The following NKAIN2 variants were observed in gnomAD, a reference collection of about 807,000 sequenced individuals.
NKAIN2 encodes sodium/potassium transporting ATPase interacting 2, also known as sodium/potassium-transporting ATPase subunit beta-1-interacting protein 2.
In NKAIN2, 14 loss-of-function variants were observed where a neutral mutation model predicts 32.6. The ratio of observed to expected loss-of-function variants is 0.43; its 90% CI spans 0.28 to 0.67. The LOEUF is 0.67. Among genes scored for constraint, NKAIN2 ranks in the 30% least tolerant of loss-of-function variants. NKAIN2 has a pLI of 0.17. For missense variants in NKAIN2, 198 were observed against 258.3 expected (o/e 0.77, Z 1.60); for synonymous variants, 80 against 87.2 (o/e 0.92, Z 0.46).
At chr6:124,029,287 G>A (rs1781298620) in intron 1 of NKAIN2, among the ~76,000 whole-genome samples, 2 of 151,268 alleles carry the variant, frequency 1.3e-5, no homozygotes, top group Admixed American at 6.6e-5. Context: ...TTACTTGCTT[G>A]TCATATGTTC....
At chr6:124,529,536 C>T (rs964386151) in intron 3 of NKAIN2, among the ~76,000 whole-genome samples, 2 of 152,098 alleles carry the variant, frequency 1.3e-5, no homozygotes, top group African/African-American at 2.4e-5. Context: ...CATGGTGGTT[C>T]GGTCTCCTCG....
intron 4 of NKAIN2, among the ~76,000 whole-genome samples, chr6:124,787,787 T>G (rs9491235): frequency 1.6e-3 from 239 of 152,216 alleles, no homozygotes; most frequent in African/African-American, 5.3e-3. Context: ...GGCCCACTGA[T>G]TATGGCCCTA....
intron 1 of NKAIN2, among the ~76,000 whole-genome samples, chr6:123,917,952 C>A (rs1055906292): frequency 6.6e-6 from 1 of 152,054 alleles, no homozygotes; most frequent in African/African-American, 2.4e-5. Flanking sequence ...GGGAGTTAAA[C>A]ATAGCCACCG....
intron 3 of NKAIN2, among the ~76,000 whole-genome samples, chr6:124,363,647 G>A (rs1177691991): frequency 6.6e-6 from 1 of 152,178 alleles, no homozygotes; most frequent in Non-Finnish European, 1.5e-5. Context: ...GAAAAGATCT[G>A]AAGAACAAGC....
At chr6:124,316,629 T>G (rs1350847552) in intron 2 of NKAIN2, among the ~76,000 whole-genome samples, 1 of 152,102 alleles carries the variant, frequency 6.6e-6, no homozygotes, top group Non-Finnish European at 1.5e-5. Flanking sequence ...GTAAAAGTCA[T>G]AAGATACAGT....
rs1792910504 is a variant in NKAIN2, at chr6:124,238,670, T to G, written c.55-44335T>G. On this transcript the variant is annotated intron_variant, in intron 1 of 6. Coordinates refer to ENST00000368417, the MANE Select transcript of NKAIN2 (RefSeq NM_001040214.3). Reference sequence around the variant, plus strand: ...TCATTGGGACTGGTTAGACAGTGGGTGCAGCCCAAGCTTCATAAGCAAAGG... The same window carrying G: ...TCATTGGGACTGGTTAGACAGTGGGGGCAGCCCAAGCTTCATAAGCAAAGG... Among the ~76,000 whole-genome samples, 5 of 151,998 alleles carry G rather than the reference T, an allele frequency of 3.3e-5. No individual in the cohort carries two copies. In the South Asian group the frequency reaches 1.0e-3, roughly 31 times the overall value.
intron 2 of NKAIN2, among the ~76,000 whole-genome samples, chr6:124,297,324 T>C (rs1457423060): frequency 6.6e-6 from 1 of 152,134 alleles, no homozygotes; most frequent in Admixed American, 6.5e-5. Context: ...ACTGTATTCT[T>C]ACAACAAATC....
chr6:124,366,376 T>C (rs889186730), intron 3 of NKAIN2, among the ~76,000 whole-genome samples: 3 of 152,082 alleles, frequency 2.0e-5, no homozygotes, highest in African/African-American at 7.2e-5. Flanking sequence ...AGACCACAAC[T>C]TGAAATAAAT....
Position 124,351,134 on chromosome 6 carries a change from G to A in NKAIN2, c.193-4133G>A, listed in dbSNP as rs143854892. Among the ~76,000 whole-genome samples the A allele has an allele frequency of 3.3e-5, 5 of 152,274 alleles. No homozygotes were observed. In the East Asian group the frequency reaches 9.6e-4, roughly 29 times the overall value. ...AAATGAAGGTTGGTTTCATGAAATA[G>A]CATTCGTCTATACATAATGGCGTTA... On this transcript the variant is annotated intron_variant, in intron 2 of 6. Transcript: ENST00000368417.
intron 4 of NKAIN2, among the ~76,000 whole-genome samples, chr6:124,660,910 A>G (rs551589059): frequency 1.3e-5 from 2 of 152,336 alleles, no homozygotes; most frequent in East Asian, 1.9e-4. Flanking sequence ...AAAATTTCCT[A>G]TCTTCATTCT....
intron 1 of NKAIN2, among the ~76,000 whole-genome samples, chr6:124,086,497 A>G (rs568729104): frequency 6.8e-4 from 103 of 152,008 alleles, no homozygotes; most frequent in African/African-American, 2.0e-3. Flanking sequence ...CCTCATGTGA[A>G]TATTGTAGGC....
intron 1 of NKAIN2, among the ~76,000 whole-genome samples, chr6:124,242,949 G>A (rs1475842079): frequency 6.6e-6 from 1 of 151,608 alleles, no homozygotes; most frequent in Non-Finnish European, 1.5e-5. Flanking sequence ...ATGACGGGAT[G>A]ATGGATGAAG....
At chr6:124,704,643 C>CAGAG (rs10572050) in intron 4 of NKAIN2, among the ~76,000 whole-genome samples, 12 of 149,416 alleles carry the variant, frequency 8.0e-5, no homozygotes, top group South Asian at 4.2e-4. Flanking sequence ...GAGAAAGAGA[C>CAGAG]AGAGAGAGAG....
intron 1 of NKAIN2, among the ~76,000 whole-genome samples, chr6:123,996,252 T>C (rs1485183073): frequency 2.0e-5 from 3 of 152,150 alleles, no homozygotes; most frequent in African/African-American, 7.2e-5. Context: ...AAATGTCAGG[T>C]CTATTAATGA....
chr6:124,246,028 A>G (rs1044999491), intron 1 of NKAIN2, among the ~76,000 whole-genome samples: 1 of 152,148 alleles, frequency 6.6e-6, no homozygotes, highest in African/African-American at 2.4e-5. Context: ...AGATGATGAA[A>G]TGTCATTTCT....
At chr6:124,443,175 C>T (rs958478257) in intron 3 of NKAIN2, among the ~76,000 whole-genome samples, 4 of 152,162 alleles carry the variant, frequency 2.6e-5, no homozygotes, top group South Asian at 2.1e-4. Context: ...GTGTGGGGCT[C>T]CTCAATTTTT....
At chr6:124,076,077 G>A (rs2114893488) in intron 1 of NKAIN2, among the ~76,000 whole-genome samples, 1 of 152,334 alleles carries the variant, frequency 6.6e-6, no homozygotes, top group Admixed American at 6.5e-5. Context: ...AGTTGCAGGT[G>A]ACTGGTCTCT....
At chr6:124,748,273 T>C (rs971207758) in intron 4 of NKAIN2, among the ~76,000 whole-genome samples, 3 of 151,934 alleles carry the variant, frequency 2.0e-5, no homozygotes, top group African/African-American at 7.2e-5. Flanking sequence ...AGACTGGGAG[T>C]TCTGTAATGG....
intron 1 of NKAIN2, among the ~76,000 whole-genome samples, chr6:123,894,887 TATATC>T (rs1407404920): frequency 6.6e-6 from 1 of 152,008 alleles, no homozygotes; most frequent in Non-Finnish European, 1.5e-5. Context: ...ACCATTATAA[TATATC>T]AGTCAGGCTA....
Sources: allele counts gnomAD v4.1 joint callset (sites outside exome capture counted in the v4.1 genomes callset), GRCh38; gene constraint gnomAD v4.1.1; transcripts MANE v1.5; gene names NCBI Gene and HGNC (gene_info 2026-07-23, HGNC 2026-07-21).